AUTS2: variants seen among roughly 807,000 people sequenced by gnomAD.
The protein encoded by AUTS2 is activator of transcription and developmental regulator AUTS2.
In AUTS2, 17 loss-of-function variants were observed where a neutral mutation model predicts 112.4. The observed-to-expected ratio is 0.15, with a 90% CI of 0.10 to 0.23. The LOEUF (loss-of-function observed/expected upper bound fraction) is 0.23. AUTS2 is among the 10% of genes least tolerant of loss of function. The pLI, the probability that AUTS2 is intolerant of heterozygous loss-of-function variation, is 1.00. For synonymous variants in AUTS2, 751 were observed against 702.7 expected (o/e 1.07, Z -1.09); for missense variants, 1,510 against 1,701.6 (o/e 0.89, Z 1.98).
At chr7:70,647,405 A>G (rs1806231946) in intron 5 of AUTS2, among the ~76,000 whole-genome samples, 1 of 152,230 alleles carries the variant, frequency 6.6e-6, no homozygotes, top group South Asian at 2.1e-4. Flanking sequence ...GGTAAAGGCC[A>G]TTCCAGCTCT....
chr7:70,262,510 A>C (rs1241098507), intron 4 of AUTS2, among the ~76,000 whole-genome samples: 4 of 152,138 alleles, frequency 2.6e-5, no homozygotes. Flanking sequence ...CCTCATCTTA[A>C]CCTTGTTTTA....
intron 1 of AUTS2, among the ~76,000 whole-genome samples, chr7:69,602,156 C>T (rs1218734476): frequency 6.7e-6 from 1 of 150,102 alleles, no homozygotes; most frequent in Non-Finnish European, 1.5e-5. Context: ...TTTGACTGGG[C>T]TTGTGATATA....
At chr7:69,762,912 A>C (rs1410487975) in intron 1 of AUTS2, among the ~76,000 whole-genome samples, 1 of 152,198 alleles carries the variant, frequency 6.6e-6, no homozygotes, top group Non-Finnish European at 1.5e-5. Context: ...AGAAACACTC[A>C]TCACTGTGTA....
At chr7:70,017,980 G>A (rs565522881) in intron 2 of AUTS2, among the ~76,000 whole-genome samples, 3 of 152,018 alleles carry the variant, frequency 2.0e-5, no homozygotes, top group African/African-American at 7.2e-5. Context: ...CTAATCCTGA[G>A]AGCCTAGAAG....
At chr7:69,710,337 T>C (rs1028739990) in intron 1 of AUTS2, among the ~76,000 whole-genome samples, 1 of 152,192 alleles carries the variant, frequency 6.6e-6, no homozygotes, top group Non-Finnish European at 1.5e-5. Context: ...CCCACTGTTA[T>C]AATTAAGCCT....
At chr7:70,650,999 G>T (rs1046981789) in intron 5 of AUTS2, among the ~76,000 whole-genome samples, 2 of 152,186 alleles carry the variant, frequency 1.3e-5, no homozygotes, top group African/African-American at 4.8e-5. Flanking sequence ...GTCCGAATGG[G>T]ATGAAGATAA....
chr7:70,437,161 GACAGTGAAAGTACAC>G (rs1272400970), intron 5 of AUTS2: 1 of 152,292 alleles, frequency 6.6e-6, no homozygotes, highest in African/African-American at 2.4e-5. Flanking sequence ...GCTGTTGGAT[GACAGTGAAAGTACAC>G]ACTGGAAAGG....
chr7:70,204,479 T>C (rs546392166), intron 4 of AUTS2, among the ~76,000 whole-genome samples: 1 of 152,210 alleles, frequency 6.6e-6, no homozygotes, highest in African/African-American at 2.4e-5. Flanking sequence ...AGAGAAAATA[T>C]GTTTTGTCGG....
At chr7:70,374,436 A>G (rs1188575249) in intron 4 of AUTS2, among the ~76,000 whole-genome samples, 1 of 152,198 alleles carries the variant, frequency 6.6e-6, no homozygotes, top group Non-Finnish European at 1.5e-5. Context: ...CTGAGATGCT[A>G]CAAATGTATT....
intron 4 of AUTS2, among the ~76,000 whole-genome samples, chr7:70,250,827 C>T (rs1307138014): frequency 6.6e-6 from 1 of 152,040 alleles, no homozygotes; most frequent in East Asian, 1.9e-4. Flanking sequence ...AACACACAGA[C>T]ACTAGGAGGG....
chr7:70,369,011 T>C (rs1023347101), intron 4 of AUTS2, among the ~76,000 whole-genome samples: 3 of 152,210 alleles, frequency 2.0e-5, no homozygotes, highest in African/African-American at 7.2e-5. Flanking sequence ...GAAATGGTAA[T>C]ATAGCTGTGA....
intron 4 of AUTS2, among the ~76,000 whole-genome samples, chr7:70,303,406 G>A (rs868399167): frequency 1.3e-5 from 2 of 150,676 alleles, no homozygotes; most frequent in African/African-American, 4.9e-5. Context: ...ATGCACATGT[G>A]TGCACGCACA....
Position 69,599,887 on chromosome 7 carries a change from A to G in AUTS2, c.234A>G (p.Arg78=). 1 of 1,613,462 alleles carries G rather than the reference A, an allele frequency of 6.2e-7. No individual in the cohort carries two copies. Among genetic ancestry groups the G allele is most frequent in the Non-Finnish European group, 8.5e-7 (1 of 1,179,956 alleles). Residue 78 remains arginine, a synonymous_variant, in exon 1 of 19, where the codon AGA becomes AGG. Transcript: ENST00000342771. This position sits in a 1 kb window ranked among gnomAD's most constrained non-coding sequence, Gnocchi z 7.0. Reference sequence around the variant, plus strand: ...CCAGACCCCCGCGGAGGAAGCGGAGAGAGTCCACCTCGGCAGAAGAGGACA... The same window carrying G: ...CCAGACCCCCGCGGAGGAAGCGGAGGGAGTCCACCTCGGCAGAAGAGGACA... The part of the protein sequence containing the change: ...SRPRPPRRKR[R]ESTSAEEDII...
At chr7:69,614,932 T>A (rs1207202889) in intron 1 of AUTS2, among the ~76,000 whole-genome samples, 1 of 152,228 alleles carries the variant, frequency 6.6e-6, no homozygotes, top group Non-Finnish European at 1.5e-5. Flanking sequence ...AGAATTCTAT[T>A]TTACAGATTG....
At chr7:70,345,837 T>C (rs999537862) in intron 4 of AUTS2, among the ~76,000 whole-genome samples, 2 of 152,234 alleles carry the variant, frequency 1.3e-5, no homozygotes, top group Non-Finnish European at 2.9e-5. Context: ...ACTTGAAATT[T>C]ACTTCAAGCC....
At chr7:70,123,256 G>C (rs1805785106) in intron 3 of AUTS2, among the ~76,000 whole-genome samples, 1 of 152,140 alleles carries the variant, frequency 6.6e-6, no homozygotes, top group South Asian at 2.1e-4. Flanking sequence ...CAATATTTTA[G>C]AGAATAAAGA....
At chr7:70,044,803 G>C (rs1030718257) in intron 2 of AUTS2, among the ~76,000 whole-genome samples, 1 of 152,156 alleles carries the variant, frequency 6.6e-6, no homozygotes, top group Non-Finnish European at 1.5e-5. Context: ...TGAAGAAAAT[G>C]TCAGGGTAAG....
At chr7:69,797,977 T>C (rs1338130064) in intron 1 of AUTS2, among the ~76,000 whole-genome samples, 2 of 152,124 alleles carry the variant, frequency 1.3e-5, no homozygotes, top group Non-Finnish European at 2.9e-5. Context: ...GCTATGCTAC[T>C]GGGCACCTGG....
At chr7:70,347,305 A>G (rs1791540089) in intron 4 of AUTS2, among the ~76,000 whole-genome samples, 2 of 152,206 alleles carry the variant, frequency 1.3e-5, no homozygotes, top group African/African-American at 4.8e-5. Flanking sequence ...ATACCTAAGC[A>G]GGTCTCTATC....
Sources: allele counts gnomAD v4.1 joint callset (sites outside exome capture counted in the v4.1 genomes callset), GRCh38; gene constraint gnomAD v4.1.1; non-coding constraint Gnocchi (gnomAD v3.1); transcripts MANE v1.5; gene names NCBI Gene and HGNC (gene_info 2026-07-23, HGNC 2026-07-21).